IL1RAPL2: variants seen among roughly 807,000 people sequenced by gnomAD.
The protein encoded by IL1RAPL2 is interleukin 1 receptor accessory protein like 2, also known as X-linked interleukin-1 receptor accessory protein-like 2.
In IL1RAPL2, 3 loss-of-function variants were observed where a neutral mutation model predicts 44.1. The observed-to-expected ratio is 0.07, with a 90% confidence interval of 0.03 to 0.18. IL1RAPL2 has a LOEUF of 0.18. Ranked by LOEUF, IL1RAPL2 falls within the 10% of genes least tolerant of loss-of-function variation. IL1RAPL2 has a pLI of 1.00. For missense variants in IL1RAPL2, 391 were observed against 496.4 expected (o/e 0.79, Z 2.02); for synonymous variants, 181 against 178.8 (o/e 1.01, Z -0.10).
intron 8 of IL1RAPL2, among the ~76,000 whole-genome samples, chrX:105,747,480 C>CTG (rs1285052173): frequency 5.7e-5 from 4 of 70,092 alleles, no homozygotes; most frequent in African/African-American, 1.3e-4. Context: ...CTCTCTCTCT[C>CTG]TGTGTGTGTG....
chrX:104,920,227 C>A (rs1602821022), intron 2 of IL1RAPL2, among the ~76,000 whole-genome samples: 1 of 111,704 alleles, frequency 9.0e-6, no homozygotes, highest in Non-Finnish European at 1.9e-5. Flanking sequence ...AACTCAGGAT[C>A]ATACTTTCCT....
chrX:105,448,487 C>T (rs1022872044), intron 5 of IL1RAPL2, among the ~76,000 whole-genome samples: 1 of 109,991 alleles, frequency 9.1e-6, no homozygotes, highest in African/African-American at 3.3e-5. Flanking sequence ...GCCTCAGCCT[C>T]CTCAGTAGCT....
intron 5 of IL1RAPL2, among the ~76,000 whole-genome samples, chrX:105,425,154 G>A (rs2035800201): frequency 1.8e-5 from 2 of 111,228 alleles, no homozygotes; most frequent in East Asian, 2.8e-4. Flanking sequence ...AACCCAGACC[G>A]CTCACTGAGA....
intron 5 of IL1RAPL2, among the ~76,000 whole-genome samples, chrX:105,411,364 AG>A (rs1395218294): frequency 1.8e-5 from 2 of 111,591 alleles, no homozygotes; most frequent in East Asian, 2.8e-4. Flanking sequence ...AAAGATATAG[AG>A]TAGATGAATG....
intron 2 of IL1RAPL2, among the ~76,000 whole-genome samples, chrX:104,808,804 C>G (rs184591783): frequency 9.0e-6 from 1 of 111,421 alleles, no homozygotes; most frequent in African/African-American, 3.3e-5. Context: ...AGTTGTTGAA[C>G]GCTGGCAGTT....
intron 6 of IL1RAPL2, among the ~76,000 whole-genome samples, chrX:105,626,046 A>G (rs1177443149): frequency 9.0e-6 from 1 of 111,405 alleles, no homozygotes; most frequent in East Asian, 2.9e-4. Flanking sequence ...TAATATTCCT[A>G]GCTGGTCCAA....
chrX:105,470,412 A>G (rs1451550370), intron 5 of IL1RAPL2, among the ~76,000 whole-genome samples: 1 of 111,961 alleles, frequency 8.9e-6, no homozygotes, highest in Non-Finnish European at 1.9e-5. Flanking sequence ...GTTCTAGCTC[A>G]GAGCTCAGAG....
intron 2 of IL1RAPL2, among the ~76,000 whole-genome samples, chrX:104,999,171 T>C (rs1331158464): frequency 9.0e-6 from 1 of 111,617 alleles, no homozygotes; most frequent in Admixed American, 9.5e-5. Flanking sequence ...GAAGGGATAA[T>C]TGCAGGAGTG....
At chrX:104,914,184 A>C (rs1384544838) in intron 2 of IL1RAPL2, among the ~76,000 whole-genome samples, 1 of 111,504 alleles carries the variant, frequency 9.0e-6, no homozygotes, top group Admixed American at 9.6e-5. Flanking sequence ...AAAAACAAAC[A>C]AACAAACAAA....
At position 104,572,078 on chromosome X, in the gene IL1RAPL2, G is replaced by C. The variant is rs191864127; in HGVS notation, c.-20+5027G>C. On this transcript the variant is annotated intron_variant, in intron 1 of 10. Coordinates refer to ENST00000372582, the MANE Select transcript of IL1RAPL2 (RefSeq NM_017416.2). Reference sequence around the variant, plus strand: ...TATGAATTTTTAACATTTATGTTGTGCTTGCTTTATACTTTGGGGAATGCC... The same window carrying C: ...TATGAATTTTTAACATTTATGTTGTCCTTGCTTTATACTTTGGGGAATGCC... Among the ~76,000 whole-genome samples, 6 of 111,857 alleles carry C rather than the reference G, an allele frequency of 5.4e-5. No individual in the cohort carries two copies. In the South Asian group the frequency reaches 2.3e-3, roughly 42 times the overall value.
chrX:105,077,664 G>GCA (rs2147544595), intron 2 of IL1RAPL2, among the ~76,000 whole-genome samples: 1 of 111,852 alleles, frequency 8.9e-6, no homozygotes, highest in African/African-American at 3.2e-5. Flanking sequence ...CATTCTCTCT[G>GCA]TCACTTTCAG....
At chrX:104,684,237 T>A (rs1930942163) in intron 2 of IL1RAPL2, among the ~76,000 whole-genome samples, 1 of 111,711 alleles carries the variant, frequency 9.0e-6, no homozygotes, top group Non-Finnish European at 1.9e-5. Flanking sequence ...ATGACCTGAT[T>A]TTTTTCTTGG....
chrX:104,859,420 A>AC (rs1217023604), intron 2 of IL1RAPL2, among the ~76,000 whole-genome samples: 1 of 87 alleles, frequency 0.011, no homozygotes, highest in South Asian at 0.25. Flanking sequence ...TTGTAATCTT[A>AC]CCGACTTAGT....
At chrX:105,196,004 G>A (rs1388975806) in intron 3 of IL1RAPL2, among the ~76,000 whole-genome samples, 5 of 111,546 alleles carry the variant, frequency 4.5e-5, no homozygotes, top group African/African-American at 1.3e-4. Context: ...GACTCGGGCC[G>A]GGCGCAGTGG....
chrX:104,913,862 T>C (rs187594392), intron 2 of IL1RAPL2, among the ~76,000 whole-genome samples: 6 of 112,407 alleles, frequency 5.3e-5, no homozygotes, highest in Middle Eastern at 4.6e-3. Flanking sequence ...AATATTAGGT[T>C]TCTTATAATA....
chrX:105,285,311 TACTTG>T (rs2034562491), intron 5 of IL1RAPL2, among the ~76,000 whole-genome samples: 1 of 112,017 alleles, frequency 8.9e-6, no homozygotes, highest in Admixed American at 9.5e-5. Context: ...GGAAGAAAGA[TACTTG>T]AGAAATAGCC....
At chrX:105,141,140 T>C (rs1322114928) in intron 2 of IL1RAPL2, among the ~76,000 whole-genome samples, 1 of 111,807 alleles carries the variant, frequency 8.9e-6, no homozygotes, top group African/African-American at 3.2e-5. Flanking sequence ...TAAATCTCAT[T>C]AACTGCTTAC....
intron 2 of IL1RAPL2, among the ~76,000 whole-genome samples, chrX:105,032,569 A>G (rs151159210): frequency 0.015 from 1,656 of 111,381 alleles, 27 homozygotes; most frequent in African/African-American, 0.051. Flanking sequence ...GTTCTAGTTT[A>G]ATTGCACTGT....
At chrX:105,441,516 C>T (rs781323085) in intron 5 of IL1RAPL2, among the ~76,000 whole-genome samples, 15 of 111,432 alleles carry the variant, frequency 1.3e-4, no homozygotes, top group Non-Finnish European at 2.4e-4. Context: ...ACGTATTTAC[C>T]TAAGCTTGTA....
Sources: allele counts gnomAD v4.1 joint callset (sites outside exome capture counted in the v4.1 genomes callset), GRCh38; gene constraint gnomAD v4.1.1; transcripts MANE v1.5; gene names NCBI Gene and HGNC (gene_info 2026-07-23, HGNC 2026-07-21).